Variants in KAZN observed in about 807,000 individuals in gnomAD.
KAZN encodes the protein kazrin, periplakin interacting protein.
A neutral mutation model predicts 87.4 loss-of-function variants in KAZN; 40 were observed. The ratio of observed to expected loss-of-function variants is 0.46; its 90% CI spans 0.36 to 0.60. The LOEUF is 0.60. Among genes scored for constraint, KAZN ranks in the 20% least tolerant of loss-of-function variants. The pLI is 0.00. For synonymous variants in KAZN, 466 were observed against 458.3 expected (o/e 1.02, Z -0.22); for missense variants, 898 against 1,073.9 (o/e 0.84, Z 2.29).
chr1:14,001,644 A>C (rs1161559753), intron 1 of KAZN, among the ~76,000 whole-genome samples: 1 of 152,238 alleles, frequency 6.6e-6, no homozygotes, highest in Non-Finnish European at 1.5e-5. Flanking sequence ...TGGCACTTGT[A>C]CCAAAACAGA....
chr1:14,961,310 C>A (rs1313154042), intron 2 of KAZN, among the ~76,000 whole-genome samples: 1 of 152,188 alleles, frequency 6.6e-6, no homozygotes, highest in Non-Finnish European at 1.5e-5. Flanking sequence ...ATGATGGGCT[C>A]TCCTGGGCCC....
intron 1 of KAZN, among the ~76,000 whole-genome samples, chr1:14,603,588 T>A (rs1264777143): frequency 1.3e-5 from 2 of 152,240 alleles, no homozygotes; most frequent in African/African-American, 4.8e-5. Context: ...GTTAATTTCA[T>A]GCTTCCATTG....
intron 2 of KAZN, among the ~76,000 whole-genome samples, chr1:14,275,218 A>T (rs940274439): frequency 1.3e-5 from 2 of 152,106 alleles, no homozygotes; most frequent in African/African-American, 4.8e-5. Context: ...AGTATTTGGT[A>T]TTTATTATTC....
At chr1:14,095,985 A>T (rs2101631278) in intron 1 of KAZN, among the ~76,000 whole-genome samples, 1 of 152,260 alleles carries the variant, frequency 6.6e-6, no homozygotes, top group African/African-American at 2.4e-5. Context: ...TTCTGAAAGG[A>T]TGCATATCAA....
rs138226426 is a variant in KAZN, at chr1:14,782,097, C to T, written c.227-178587C>T. ...TAGTGTCTGGCACATATAAAGAATGCCATATATGTGTTTGCTATTATTAGC... is the reference window on the plus strand; with the variant it reads ...TAGTGTCTGGCACATATAAAGAATGTCATATATGTGTTTGCTATTATTAGC... On this transcript the variant is annotated intron_variant, in intron 1 of 14. Coordinates refer to ENST00000376030, the MANE Select transcript of KAZN (RefSeq NM_201628.3). Among the ~76,000 whole-genome samples, 165 of 152,238 alleles carry T rather than the reference C, an allele frequency of 1.1e-3. 1 individual carries two copies. Among genetic ancestry groups the T allele is most frequent in the African/African-American group, 3.9e-3 (161 of 41,534 alleles).
chr1:14,316,318 A>G (rs1655655347), intron 2 of KAZN, among the ~76,000 whole-genome samples: 1 of 151,960 alleles, frequency 6.6e-6, no homozygotes, highest in African/African-American at 2.4e-5. Context: ...GAATTTGTGT[A>G]TTTCAATTAT....
At chr1:13,989,026 T>G (rs1440018852) in intron 1 of KAZN, among the ~76,000 whole-genome samples, 4 of 152,058 alleles carry the variant, frequency 2.6e-5, no homozygotes, top group Non-Finnish European at 5.9e-5. Flanking sequence ...AGATCAAGGG[T>G]CTGGCATTTG....
chr1:14,323,864 T>A (rs1354413428), intron 2 of KAZN, among the ~76,000 whole-genome samples: 1 of 152,180 alleles, frequency 6.6e-6, no homozygotes, highest in Non-Finnish European at 1.5e-5. Flanking sequence ...TTAATTGAGT[T>A]TTATTGCTCT....
At chr1:13,984,533 G>A (rs1392372684) in intron 1 of KAZN, among the ~76,000 whole-genome samples, 1 of 152,214 alleles carries the variant, frequency 6.6e-6, no homozygotes, top group African/African-American at 2.4e-5. Context: ...AACAATGAGA[G>A]AGATGGATGA....
chr1:14,725,258 A>G (rs72636626), intron 1 of KAZN, among the ~76,000 whole-genome samples: 3,112 of 152,172 alleles, frequency 0.02, 47 homozygotes, highest in Non-Finnish European at 0.032. Context: ...ACTCACCTTC[A>G]TCTACTCTTC....
chr1:14,946,995 G>A (rs976278060), intron 1 of KAZN, among the ~76,000 whole-genome samples: 2 of 152,202 alleles, frequency 1.3e-5, no homozygotes, highest in Non-Finnish European at 2.9e-5. Context: ...GCTCTGTGAG[G>A]TGTGGGGCAA....
chr1:14,763,823 C>T (rs1176693370), intron 1 of KAZN, among the ~76,000 whole-genome samples: 1 of 152,186 alleles, frequency 6.6e-6, no homozygotes. Flanking sequence ...GATCTTGGCT[C>T]TCTGCAACTT....
At chr1:14,360,469 G>A (rs28853601) in intron 2 of KAZN, among the ~76,000 whole-genome samples, 1,914 of 152,140 alleles carry the variant, frequency 0.013, 37 homozygotes, top group African/African-American at 0.044. Context: ...TTCTCCATCC[G>A]GTTTTGTTCC....
rs931427494 is a variant in KAZN, at chr1:14,892,027, C to A, written c.227-68657C>A. On this transcript the variant is annotated intron_variant, in intron 1 of 14. Coordinates refer to ENST00000376030, the MANE Select transcript of KAZN (RefSeq NM_201628.3). The stretch of plus-strand genomic sequence containing the variant: ...GAAGGTGTCAGGAAAGTTCAACATG[C>A]CCCCGTCCCTACCTCCTGCCTCTGG... Among the ~76,000 whole-genome samples the A allele has an allele frequency of 1.3e-5, 2 of 152,162 alleles. 1 individual carries two copies. Among genetic ancestry groups the A allele is most frequent in the South Asian group, 4.2e-4 (2 of 4,814 alleles).
chr1:14,292,735 G>C (rs1450710088), intron 2 of KAZN, among the ~76,000 whole-genome samples: 1 of 152,170 alleles, frequency 6.6e-6, no homozygotes. Flanking sequence ...CATGGAAGAG[G>C]GGGTGCATCA....
chr1:14,876,015 C>T (rs1208509561), intron 1 of KAZN, among the ~76,000 whole-genome samples: 2 of 152,162 alleles, frequency 1.3e-5, no homozygotes, highest in African/African-American at 2.4e-5. Flanking sequence ...GAGAGTGAGC[C>T]GCTCCTCTGA....
chr1:14,298,539 TTC>T (rs1654298088), intron 2 of KAZN, among the ~76,000 whole-genome samples: 1 of 152,246 alleles, frequency 6.6e-6, no homozygotes, highest in Admixed American at 6.5e-5. Flanking sequence ...GATTTTAATG[TTC>T]TTTTGATATA....
chr1:15,103,439 G>A lies in KAZN; in HGVS notation c.1860G>A (p.Trp620Ter). Reference sequence around the variant, plus strand: ...GGACCAACCAGCGGGTGCTCAAGTGGGTTCGAGACATCGACCTGAAGGTGA... The same window carrying A: ...GGACCAACCAGCGGGTGCTCAAGTGAGTTCGAGACATCGACCTGAAGGTGA... ...VVWTNQRVLKWVRDIDLKEYA... is the reference protein window; with the variant it reads ...VVWTNQRVLK The change falls in exon 12 of 15, where the codon TGG (tryptophan) becomes TGA (stop). Residue 620 changes from tryptophan (W) to a stop codon, truncating the protein, a stop_gained. Transcript: ENST00000376030. LOFTEE classifies it high-confidence loss of function. 1 of 1,552,426 alleles carries A rather than the reference G, an allele frequency of 6.4e-7. No individual in the cohort carries two copies.
chr1:14,237,761 T>C (rs987953933), intron 2 of KAZN, among the ~76,000 whole-genome samples: 1 of 152,108 alleles, frequency 6.6e-6, no homozygotes, highest in Non-Finnish European at 1.5e-5. Flanking sequence ...TAGCTCATAG[T>C]GGGTTGAACC....
Sources: allele counts gnomAD v4.1 joint callset (sites outside exome capture counted in the v4.1 genomes callset), GRCh38; gene constraint gnomAD v4.1.1; transcripts MANE v1.5; gene names NCBI Gene and HGNC (gene_info 2026-07-23, HGNC 2026-07-21).